The following SETBP1 variants were observed in gnomAD, a reference collection of about 807,000 sequenced individuals.
SETBP1 encodes the protein SET-binding protein.
In SETBP1, 9 loss-of-function variants were observed where a neutral mutation model predicts 101.0. The ratio of observed to expected loss-of-function variants is 0.09; its 90% CI spans 0.05 to 0.16. The LOEUF is 0.16. Among genes scored for constraint, SETBP1 ranks in the 10% least tolerant of loss-of-function variants. SETBP1 has a pLI of 1.00. For synonymous variants in SETBP1, 818 were observed against 788.5 expected (o/e 1.04, Z -0.63); for missense variants, 1,858 against 2,033.8 (o/e 0.91, Z 1.66).
intron 2 of SETBP1, among the ~76,000 whole-genome samples, chr18:44,858,838 T>A (rs2073024730): frequency 6.6e-6 from 1 of 152,236 alleles, no homozygotes; most frequent in Admixed American, 6.5e-5. Flanking sequence ...TCTACTTCTC[T>A]GTATTATTAA....
chr18:44,860,361 C>T (rs1165864696), intron 2 of SETBP1, among the ~76,000 whole-genome samples: 1 of 152,172 alleles, frequency 6.6e-6, no homozygotes, highest in Non-Finnish European at 1.5e-5. Flanking sequence ...TGAGAAGCAA[C>T]ATATCTTTAG....
chr18:44,960,361 C>G (rs2071586773), intron 4 of SETBP1, among the ~76,000 whole-genome samples: 1 of 151,990 alleles, frequency 6.6e-6, no homozygotes, highest in South Asian at 2.1e-4. Context: ...TTATTGTGTT[C>G]CATTTTATTT....
At chr18:44,782,361 TG>T (rs1403493560) in intron 2 of SETBP1, among the ~76,000 whole-genome samples, 1 of 152,052 alleles carries the variant, frequency 6.6e-6, no homozygotes, top group Non-Finnish European at 1.5e-5. Flanking sequence ...GTAGCCAACA[TG>T]ACTGGTTTTG....
chr18:44,906,262 A>G (rs575201677), intron 3 of SETBP1, among the ~76,000 whole-genome samples: 1 of 152,198 alleles, frequency 6.6e-6, no homozygotes, highest in East Asian at 1.9e-4. Context: ...ATTGTGGACA[A>G]CTCTGTAGAA....
intron 4 of SETBP1, among the ~76,000 whole-genome samples, chr18:44,970,398 C>G (rs2071817706): frequency 6.6e-6 from 1 of 152,170 alleles, no homozygotes; most frequent in Non-Finnish European, 1.5e-5. Flanking sequence ...ATGCCTGACT[C>G]ATAGAAAATA....
At chr18:44,709,841 T>A (rs1282460623) in intron 2 of SETBP1, among the ~76,000 whole-genome samples, 1 of 131,254 alleles carries the variant, frequency 7.6e-6, no homozygotes, top group Non-Finnish European at 1.6e-5. Flanking sequence ...TTGGTGTTGG[T>A]GGTAGGAATT....
intron 3 of SETBP1, among the ~76,000 whole-genome samples, chr18:44,917,894 G>A (rs72911410): frequency 0.46 from 69,361 of 151,418 alleles, 16,268 homozygotes; most frequent in Middle Eastern, 0.51. Context: ...GAAGGAAATA[G>A]AAGGGGAAAG....
chr18:44,838,362 A>G (rs1241439303), intron 2 of SETBP1, among the ~76,000 whole-genome samples: 2 of 152,182 alleles, frequency 1.3e-5, no homozygotes, highest in Non-Finnish European at 2.9e-5. Context: ...AGCCTTCAAT[A>G]TATGCCAGAA....
intron 4 of SETBP1, among the ~76,000 whole-genome samples, chr18:45,028,553 A>G (rs2073220629): frequency 6.6e-6 from 1 of 152,258 alleles, no homozygotes; most frequent in Admixed American, 6.5e-5. Flanking sequence ...GTCAAATGGT[A>G]TTTCTAGTTC....
intron 2 of SETBP1, among the ~76,000 whole-genome samples, chr18:44,794,646 T>A (rs549585086): frequency 1.3e-5 from 2 of 152,172 alleles, no homozygotes; most frequent in Non-Finnish European, 2.9e-5. Flanking sequence ...CCCAGCCCTC[T>A]TGGTGTCGTT....
intron 2 of SETBP1, among the ~76,000 whole-genome samples, chr18:44,810,325 G>A (rs1327148622): frequency 6.6e-6 from 1 of 152,200 alleles, no homozygotes; most frequent in African/African-American, 2.4e-5. Flanking sequence ...AATTGAACTA[G>A]ACAATGTATA....
chr18:44,695,074 T>C (rs2068993122), intron 1 of SETBP1, among the ~76,000 whole-genome samples: 1 of 151,196 alleles, frequency 6.6e-6, no homozygotes, highest in Admixed American at 6.6e-5. Context: ...AAAGGGGGCA[T>C]GGAAAATAGA....
chr18:44,941,189 C>A (rs1053109127), intron 3 of SETBP1, among the ~76,000 whole-genome samples: 1 of 144,252 alleles, frequency 6.9e-6, no homozygotes, highest in South Asian at 2.2e-4. Context: ...TCAAGCAATT[C>A]TTGTGCCTCA....
At chr18:44,781,289 G>T (rs767896387) in intron 2 of SETBP1, among the ~76,000 whole-genome samples, 4 of 152,088 alleles carry the variant, frequency 2.6e-5, no homozygotes, top group Non-Finnish European at 5.9e-5. Context: ...GAGCATTGAG[G>T]GTGGCTATGC....
intron 2 of SETBP1, among the ~76,000 whole-genome samples, chr18:44,714,482 G>A (rs544245848): frequency 6.6e-5 from 10 of 152,240 alleles, no homozygotes; most frequent in African/African-American, 1.2e-4. Context: ...GATTACAGGC[G>A]TGAGCCACCG....
chr18:44,918,127 T>C (rs1419903830), intron 3 of SETBP1, among the ~76,000 whole-genome samples: 2 of 152,232 alleles, frequency 1.3e-5, no homozygotes, highest in Non-Finnish European at 2.9e-5. Context: ...TAAACAGTTG[T>C]CAGACAATTG....
At chr18:45,008,310 G>A (rs2072771189) in intron 4 of SETBP1, among the ~76,000 whole-genome samples, 2 of 152,230 alleles carry the variant, frequency 1.3e-5, no homozygotes, top group South Asian at 2.1e-4. Context: ...ACCAGAAGCC[G>A]AGTTTTGAAA....
At chr18:44,760,534 CT>C (rs944954774) in intron 2 of SETBP1, among the ~76,000 whole-genome samples, 2 of 152,172 alleles carry the variant, frequency 1.3e-5, no homozygotes, top group African/African-American at 4.8e-5. Flanking sequence ...ATTTTATTAC[CT>C]TTAAGTTTAA....
chr18:44,721,759 T>A (rs1484806034), intron 2 of SETBP1, among the ~76,000 whole-genome samples: 1 of 152,120 alleles, frequency 6.6e-6, no homozygotes, highest in Non-Finnish European at 1.5e-5. Context: ...GGAACAAGAA[T>A]GCATATGGCC....
Sources: allele counts gnomAD v4.1 joint callset (sites outside exome capture counted in the v4.1 genomes callset), GRCh38; gene constraint gnomAD v4.1.1; transcripts MANE v1.5; gene names NCBI Gene and HGNC (gene_info 2026-07-23, HGNC 2026-07-21).